The following LUZP2 variants were observed in gnomAD, a reference collection of about 807,000 sequenced individuals.
LUZP2 encodes the protein leucine zipper protein 2.
A neutral mutation model predicts 51.6 loss-of-function variants in LUZP2; 52 were observed. The observed-to-expected ratio is 1.01, with a 90% confidence interval of 0.81 to 1.27. The LOEUF (loss-of-function observed/expected upper bound fraction) is 1.27. Ranked by LOEUF, LUZP2 falls within the 50% of genes most tolerant of loss-of-function variation. LUZP2 has a pLI of 0.00. For synonymous variants in LUZP2, 154 were observed against 137.3 expected (o/e 1.12, Z -0.85); for missense variants, 436 against 395.4 (o/e 1.10, Z -0.87).
At chr11:24,625,588 T>G (rs1854647996) in intron 1 of LUZP2, among the ~76,000 whole-genome samples, 1 of 152,124 alleles carries the variant, frequency 6.6e-6, no homozygotes, top group South Asian at 2.1e-4. Context: ...ATTTAATAAA[T>G]GTAATGTTGT....
At chr11:24,889,957 G>A (rs898980193) in intron 5 of LUZP2, among the ~76,000 whole-genome samples, 1 of 152,110 alleles carries the variant, frequency 6.6e-6, no homozygotes, top group African/African-American at 2.4e-5. Flanking sequence ...TAAGTTAAAT[G>A]ATGTTCATTT....
At chr11:24,906,874 G>C (rs2133789256) in intron 6 of LUZP2, among the ~76,000 whole-genome samples, 1 of 152,212 alleles carries the variant, frequency 6.6e-6, no homozygotes, top group East Asian at 1.9e-4. Context: ...AGATGTAGAG[G>C]GAAGGAAGGA....
intron 10 of LUZP2, among the ~76,000 whole-genome samples, chr11:25,060,941 A>T (rs1363229959): frequency 6.6e-6 from 1 of 152,116 alleles, no homozygotes; most frequent in Non-Finnish European, 1.5e-5. Flanking sequence ...ATATTGCTGA[A>T]ATATAGTAAT....
chr11:24,923,441 A>T (rs1854134471), intron 7 of LUZP2, among the ~76,000 whole-genome samples: 1 of 151,964 alleles, frequency 6.6e-6, no homozygotes, highest in Non-Finnish European at 1.5e-5. Context: ...TCACGCCTGT[A>T]ATCCTGGCAC....
intron 9 of LUZP2, among the ~76,000 whole-genome samples, chr11:25,049,821 T>C (rs548186965): frequency 1.3e-5 from 2 of 152,210 alleles, no homozygotes; most frequent in African/African-American, 4.8e-5. Context: ...AAATTAAATA[T>C]AATTTATTTA....
chr11:24,998,801 A>T (rs1438644760), intron 9 of LUZP2, among the ~76,000 whole-genome samples: 2 of 151,740 alleles, frequency 1.3e-5, no homozygotes, highest in South Asian at 2.1e-4. Context: ...ATGATAAAAG[A>T]CTCACCTTTC....
At chr11:24,912,225 C>A in intron 6 of LUZP2, among the ~76,000 whole-genome samples, 1 of 150,876 alleles carries the variant, frequency 6.6e-6, no homozygotes, top group Non-Finnish European at 1.5e-5. Flanking sequence ...CTCTCCTTCT[C>A]TTCCTGTCTC....
intron 1 of LUZP2, among the ~76,000 whole-genome samples, chr11:24,695,122 C>A (rs1165086743): frequency 6.7e-6 from 1 of 148,804 alleles, no homozygotes; most frequent in South Asian, 2.2e-4. Context: ...TTCTCTATTT[C>A]AACATTGCCT....
intron 1 of LUZP2, among the ~76,000 whole-genome samples, chr11:24,725,631 G>GA (rs201708438): frequency 7.3e-5 from 11 of 151,036 alleles, no homozygotes; most frequent in Middle Eastern, 3.4e-3. Context: ...TAAGAGGTAT[G>GA]AAAAAAAAAT....
intron 10 of LUZP2, among the ~76,000 whole-genome samples, chr11:25,076,984 A>G (rs1859325815): frequency 6.6e-6 from 1 of 152,168 alleles, no homozygotes; most frequent in Non-Finnish European, 1.5e-5. Context: ...ATTGACATAT[A>G]TAAATCACAG....
intron 5 of LUZP2, among the ~76,000 whole-genome samples, chr11:24,885,482 C>T (rs757114483): frequency 3.3e-5 from 5 of 152,020 alleles, no homozygotes; most frequent in Admixed American, 3.3e-4. Flanking sequence ...GGAAATCATA[C>T]CCAAGTCTAG....
intron 1 of LUZP2, among the ~76,000 whole-genome samples, chr11:24,542,325 G>T (rs1212897225): frequency 1.3e-5 from 2 of 152,004 alleles, no homozygotes; most frequent in Non-Finnish European, 2.9e-5. Context: ...GTACATGAGA[G>T]AATAGAACAT....
Position 24,711,339 on chromosome 11 carries a change from G to A in LUZP2, c.63-17830G>A, listed in dbSNP as rs562869874. Among the ~76,000 whole-genome samples the A allele has an allele frequency of 5.3e-5, 8 of 152,054 alleles. No homozygotes were observed. The South Asian group carries it at 1.2e-3, about 24-fold the overall frequency. Reference sequence around the variant, plus strand: ...GCGGCGGGTGCCTGCAGTCCCAGCTGCTGGGGAGGCTGAGGCAGGAGAATG... The same window carrying A: ...GCGGCGGGTGCCTGCAGTCCCAGCTACTGGGGAGGCTGAGGCAGGAGAATG... On this transcript the variant is annotated intron_variant, in intron 1 of 11. Coordinates refer to ENST00000336930, the MANE Select transcript of LUZP2 (RefSeq NM_001009909.4).
chr11:25,024,816 A>T (rs1482291468), intron 9 of LUZP2, among the ~76,000 whole-genome samples: 1 of 148,212 alleles, frequency 6.7e-6, no homozygotes, highest in Non-Finnish European at 1.5e-5. Flanking sequence ...ATATGGAACC[A>T]AAAAAGAGCC....
intron 1 of LUZP2, among the ~76,000 whole-genome samples, chr11:24,663,445 CT>C (rs1294024781): frequency 6.6e-6 from 1 of 152,062 alleles, no homozygotes. Flanking sequence ...TCAATTAAAC[CT>C]TTTTTCTTCA....
At position 24,967,689 on chromosome 11, in the gene LUZP2, C is replaced by A. The variant is rs1026186559; in HGVS notation, c.523-8902C>A. 1.4e-4 allele frequency among the ~76,000 whole-genome samples: 21 copies of A among 151,724 alleles called. No homozygotes were observed. In the East Asian group the frequency reaches 4.1e-3, roughly 29 times the overall value. On this transcript the variant is annotated intron_variant, in intron 7 of 11. Transcript: ENST00000336930. ...TTAATGTGCATCCAATTTCATTTTT[C>A]TTTTTAGAATTTTCATTTGCTTTTA...
chr11:24,890,152 T>C (rs1281529667), intron 5 of LUZP2, among the ~76,000 whole-genome samples: 2 of 152,156 alleles, frequency 1.3e-5, no homozygotes, highest in African/African-American at 4.8e-5. Context: ...TAACATGTAA[T>C]TGTGAATTAA....
intron 1 of LUZP2, among the ~76,000 whole-genome samples, chr11:24,720,759 C>A (rs1423256942): frequency 6.6e-6 from 1 of 152,104 alleles, no homozygotes; most frequent in Non-Finnish European, 1.5e-5. Flanking sequence ...AGTGCAGTGG[C>A]GCGATCTCGG....
intron 5 of LUZP2, among the ~76,000 whole-genome samples, chr11:24,827,983 G>A (rs1230836966): frequency 6.6e-6 from 1 of 151,664 alleles, no homozygotes; most frequent in Non-Finnish European, 1.5e-5. Context: ...GTTTGCTGTA[G>A]GTCTGCAACT....
Sources: gnomAD v4.1 joint callset for allele counts (sites outside exome capture counted in the v4.1 genomes callset) on GRCh38, gnomAD v4.1.1 for gene constraint, MANE v1.5 for transcripts, NCBI Gene and HGNC (gene_info 2026-07-23, HGNC 2026-07-21) for gene names.